The following HNF4G variants were observed in gnomAD, a reference collection of about 807,000 sequenced individuals.
The protein encoded by HNF4G is hepatocyte nuclear factor 4-gamma.
A neutral mutation model predicts 50.9 loss-of-function variants in HNF4G; 21 were observed. That is an observed-to-expected ratio of 0.41 (90% confidence interval 0.29 to 0.59). HNF4G has a LOEUF of 0.59. HNF4G is among the 20% of genes least tolerant of loss of function. The probability of loss-of-function intolerance (pLI) is 0.26; values close to 1 mark genes in which losing one functional copy is unlikely to be tolerated. For synonymous variants in HNF4G, 198 were observed against 185.6 expected (o/e 1.07, Z -0.54); for missense variants, 527 against 559.4 (o/e 0.94, Z 0.58).
chr8:75,445,877 C>T (rs1811414502), intron 1 of HNF4G, among the ~76,000 whole-genome samples: 1 of 65,952 alleles, frequency 1.5e-5, no homozygotes, highest in Non-Finnish European at 2.8e-5. Flanking sequence ...ACCATTCCTT[C>T]TGAAACAATT....
At chr8:75,432,370 G>T (rs1459874182) in intron 1 of HNF4G, among the ~76,000 whole-genome samples, 2 of 152,078 alleles carry the variant, frequency 1.3e-5, no homozygotes, top group Non-Finnish European at 2.9e-5. Flanking sequence ...AGGCTGGAGT[G>T]CAGTGGTGCA....
intron 1 of HNF4G, among the ~76,000 whole-genome samples, chr8:75,408,734 T>A (rs919278851): frequency 6.6e-6 from 1 of 152,192 alleles, no homozygotes; most frequent in East Asian, 1.9e-4. Context: ...TGCTTATAAA[T>A]CTTGCTCGGA....
At position 75,543,803 on chromosome 8, in the gene HNF4G, A is replaced by G; in HGVS notation, c.119-8A>G. Reference sequence around the variant, plus strand: ...ACTCTAACTGTAATCTTCCTTTTTTATTGACAGATAGTTCTGCCCCAGAGA... The same window carrying G: ...ACTCTAACTGTAATCTTCCTTTTTTGTTGACAGATAGTTCTGCCCCAGAGA... On this transcript the variant is annotated splice_region_variant and splice_polypyrimidine_tract_variant and intron_variant, in intron 1 of 9. Transcript: ENST00000396423. 6.2e-7 allele frequency: 1 copy of G among 1,603,168 alleles called. No individual in the cohort carries two copies. The highest frequency in any genetic ancestry group is 8.5e-7 in the Non-Finnish European group (1 of 1,175,086).
intron 2 of HNF4G, among the ~76,000 whole-genome samples, chr8:75,517,454 ACATACGATGGGGGTACAGG>A (rs1466009233): frequency 1.3e-5 from 2 of 152,162 alleles, no homozygotes; most frequent in Non-Finnish European, 2.9e-5. Context: ...GTTACTTCCA[ACATACGATGGGGGTACAGG>A]CATTGGGTAA....
chr8:75,515,547 C>T (rs1585912964), intron 2 of HNF4G, among the ~76,000 whole-genome samples: 1 of 152,018 alleles, frequency 6.6e-6, no homozygotes, highest in East Asian at 1.9e-4. Context: ...AGTCTAAAGG[C>T]CTGAGAACTG....
At position 75,469,608 on chromosome 8, in the gene HNF4G, G is replaced by A. The variant is rs763479155; in HGVS notation, c.-143-20481G>A. ...GAAAGGGCCTCAGTCTCTTGCCTGA[G>A]TCTGAGACCTGTGTTTCAAATTGTC... is the stretch of plus-strand genomic sequence containing the variant. On this transcript the variant is annotated intron_variant, in intron 1 of 10. Transcript: ENST00000354370. 2.6e-5 allele frequency among the ~76,000 whole-genome samples: 4 copies of A among 152,276 alleles called. No individual in the cohort carries two copies. In the South Asian group the frequency reaches 6.2e-4, roughly 24 times the overall value.
chr8:75,543,573 C>A (rs186373072), intron 1 of HNF4G, among the ~76,000 whole-genome samples: 52 of 152,180 alleles, frequency 3.4e-4, no homozygotes, highest in Non-Finnish European at 4.4e-5. Flanking sequence ...ATAAACTTCC[C>A]TTGGGAAAGA....
intron 1 of HNF4G, among the ~76,000 whole-genome samples, chr8:75,464,473 C>T (rs965935855): frequency 2.6e-5 from 4 of 151,994 alleles, no homozygotes; most frequent in African/African-American, 4.8e-5. Context: ...TTTATATTGT[C>T]TCAGATTTTT....
chr8:75,467,569 G>A (rs1812015428), intron 1 of HNF4G, among the ~76,000 whole-genome samples: 1 of 151,948 alleles, frequency 6.6e-6, no homozygotes, highest in Non-Finnish European at 1.5e-5. Flanking sequence ...CTGAGAGAGG[G>A]GAATCACTTG....
rs1019221988 is a variant in HNF4G at position 75,506,850 on chromosome 8, A to T, written c.-24+16642A>T. Among the ~76,000 whole-genome samples the T allele has an allele frequency of 1.8e-3, 195 of 111,014 alleles. 1 individual carries two copies. The highest frequency in any genetic ancestry group is 9.9e-3 in the African/African-American group (176 of 17,698). The allele number at this position is 111,014 out of a possible 152,430, so 72.8% of individuals were successfully genotyped here. On this transcript the variant is annotated intron_variant, in intron 2 of 10. Coordinates refer to the HNF4G transcript ENST00000354370. Reference sequence around the variant, plus strand: ...AAAGTGCTTTTGTGGCAGATCATCAACAACAACAACAACAACAACAACAAC... The same window carrying T: ...AAAGTGCTTTTGTGGCAGATCATCATCAACAACAACAACAACAACAACAAC...
intron 1 of HNF4G, among the ~76,000 whole-genome samples, chr8:75,464,364 C>A (rs1003088600): frequency 3.3e-5 from 5 of 151,972 alleles, no homozygotes; most frequent in African/African-American, 1.2e-4. Flanking sequence ...AAGTTTCATG[C>A]AGATTTGTTT....
At chr8:75,411,287 C>G (rs960763048) in intron 1 of HNF4G, among the ~76,000 whole-genome samples, 2 of 152,202 alleles carry the variant, frequency 1.3e-5, no homozygotes, top group Non-Finnish European at 2.9e-5. Context: ...AACCATGTCC[C>G]TTTGTTCTTG....
chr8:75,493,362 G>A (rs1474780830), intron 2 of HNF4G, among the ~76,000 whole-genome samples: 2 of 152,120 alleles, frequency 1.3e-5, no homozygotes, highest in East Asian at 1.9e-4. Flanking sequence ...AAAAAGGCGT[G>A]CTTTCTTTCT....
At position 75,561,473 on chromosome 8, in the gene HNF4G, C is replaced by T. The variant is rs567554858; in HGVS notation, c.1246+1007C>T. Among the ~76,000 whole-genome samples the T allele has an allele frequency of 3.3e-5, 5 of 152,088 alleles. No individual in the cohort carries two copies. The East Asian group carries it at 7.7e-4, about 23-fold the overall frequency. Reference sequence around the variant, plus strand: ...TTTGTAAAATGTGATGTGAATTTACCACTAGGAAACAAGGAGGCAACACAG... The same window carrying T: ...TTTGTAAAATGTGATGTGAATTTACTACTAGGAAACAAGGAGGCAACACAG... On this transcript the variant is annotated intron_variant, in intron 9 of 9. Coordinates refer to ENST00000396423, the MANE Select transcript of HNF4G (RefSeq NM_004133.5).
upstream of HNF4G, among the ~76,000 whole-genome samples, chr8:75,537,580 AG>A (rs34334248): frequency 0.041 from 6,271 of 152,196 alleles, 195 homozygotes; most frequent in Middle Eastern, 0.071. Context: ...ATAAAAACCA[AG>A]GGAAATACTG....
chr8:75,422,996 A>T (rs1810807626), intron 1 of HNF4G, among the ~76,000 whole-genome samples: 1 of 152,196 alleles, frequency 6.6e-6, no homozygotes, highest in Non-Finnish European at 1.5e-5. Flanking sequence ...ACAACCAGTT[A>T]GGAGCAGAGA....
At chr8:75,563,930 AGACT>A in intron 9 of HNF4G, 41 bp from the exon 10 acceptor site, 1 of 1,607,616 alleles carries the variant, frequency 6.2e-7, no homozygotes, top group Non-Finnish European at 8.5e-7. Context: ...GGGGTGAGGA[AGACT>A]GACTGCCACC....
At chr8:75,563,678 T>C (rs574970261) in intron 9 of HNF4G, among the ~76,000 whole-genome samples, 89 of 152,226 alleles carry the variant, frequency 5.8e-4, no homozygotes, top group African/African-American at 2.1e-3. Flanking sequence ...CTAGGTTTGT[T>C]AGAGAATCAA....
intron 1 of HNF4G, among the ~76,000 whole-genome samples, chr8:75,482,820 T>TA (rs1289906634): frequency 6.6e-6 from 1 of 152,252 alleles, no homozygotes; most frequent in Non-Finnish European, 1.5e-5. Context: ...TTTTAACCTG[T>TA]AAACACAAAA....
Sources: allele counts gnomAD v4.1 joint callset (sites outside exome capture counted in the v4.1 genomes callset), GRCh38; gene constraint gnomAD v4.1.1; transcripts MANE v1.5; gene names NCBI Gene and HGNC (gene_info 2026-07-23, HGNC 2026-07-21).